AKAP13: variants seen among roughly 807,000 people sequenced by gnomAD.
The protein encoded by AKAP13 is A-kinase anchor protein 13.
AKAP13 carries 80 observed loss-of-function variants against 264.5 expected under a neutral mutation model. The ratio of observed to expected loss-of-function variants is 0.30; its 90% CI spans 0.25 to 0.36. The LOEUF is 0.36. Ranked by LOEUF, AKAP13 falls within the 10% of genes least tolerant of loss-of-function variation. The pLI is 1.00. For missense variants in AKAP13, 3,712 were observed against 3,435.2 expected, an observed-to-expected ratio of 1.08 and a Z score of -2.01; for synonymous variants, 1,380 against 1,250.2, an observed-to-expected ratio of 1.10 and a Z score of -2.19.
chr15:85,590,304 C>A (rs1223520127), intron 8 of AKAP13, among the ~76,000 whole-genome samples: 1 of 152,170 alleles, frequency 6.6e-6, no homozygotes, highest in East Asian at 1.9e-4. Context: ...TTGTAACATT[C>A]TCTAAACGTG....
intron 1 of AKAP13, among the ~76,000 whole-genome samples, chr15:85,465,712 A>G (rs1320909047): frequency 1.3e-5 from 2 of 150,996 alleles, no homozygotes; most frequent in African/African-American, 2.4e-5. Context: ...ATAGTATTCT[A>G]TGGTGTATAT....
chr15:85,638,820 G>C (rs886735343), intron 8 of AKAP13, among the ~76,000 whole-genome samples: 1 of 151,636 alleles, frequency 6.6e-6, no homozygotes, highest in African/African-American at 2.4e-5. Flanking sequence ...GCAGTGGCGC[G>C]ATCTCTGCTC....
chr15:85,722,609 G>T (rs2087358609), intron 25 of AKAP13, among the ~76,000 whole-genome samples: 1 of 152,166 alleles, frequency 6.6e-6, no homozygotes, highest in African/African-American at 2.4e-5. Flanking sequence ...TCACTAGGCT[G>T]GGAGATAATT....
intron 13 of AKAP13, among the ~76,000 whole-genome samples, chr15:85,668,317 A>C (rs2083718882): frequency 6.6e-6 from 1 of 152,180 alleles, no homozygotes; most frequent in Non-Finnish European, 1.5e-5. Flanking sequence ...AAGGAGGCAG[A>C]TTTCATTCTG....
intron 1 of AKAP13, among the ~76,000 whole-genome samples, chr15:85,386,481 G>A (rs2070568119): frequency 6.6e-6 from 1 of 151,674 alleles, no homozygotes; most frequent in African/African-American, 2.4e-5. Flanking sequence ...CTAGTGATGG[G>A]GTTTCACCAT....
At position 85,460,333 on chromosome 15, in the gene AKAP13, C is replaced by A. The variant is rs143802387; in HGVS notation, c.-11-25377C>A. On this transcript the variant is annotated intron_variant, in intron 1 of 36. Coordinates refer to ENST00000394518, the MANE Select transcript of AKAP13 (RefSeq NM_007200.5). ...CTGTTTATTCTCCCTGGAAAGTACA[C>A]AGCCCCCGATACAGCTCGCCCTGCA... 1.5e-3 allele frequency among the ~76,000 whole-genome samples: 221 copies of A among 152,320 alleles called. No individual in the cohort carries two copies. The East Asian group carries it at 0.015, about 10-fold the overall frequency.
intron 12 of AKAP13, among the ~76,000 whole-genome samples, chr15:85,658,939 G>A (rs892347334): frequency 8.5e-5 from 13 of 152,050 alleles, no homozygotes; most frequent in African/African-American, 3.1e-4. Flanking sequence ...TGGACCCTGG[G>A]GAGTACTTTT....
chr15:85,620,075 T>C (rs1333610424), intron 8 of AKAP13: 8 of 1,536,086 alleles, frequency 5.2e-6, no homozygotes, highest in Admixed American at 2.0e-5. Flanking sequence ...CTCTGTTCTT[T>C]CTTGCATTTG....
chr15:85,562,691 C>CTTTTTTTTTTTT (rs10598092), intron 5 of AKAP13, among the ~76,000 whole-genome samples: 5 of 100,520 alleles, frequency 5.0e-5, no homozygotes, highest in Admixed American at 1.2e-4. Context: ...CTTTTCTTTT[C>CTTTTTTTTTTTT]TTTTTTTTTT....
chr15:85,730,387 G>A (rs1405430099), intron 29 of AKAP13, 126 bp from the exon 30 acceptor site: 3 of 883,822 alleles, frequency 3.4e-6, no homozygotes, highest in Non-Finnish European at 5.3e-6. Context: ...AAAAGGCAGT[G>A]TGGGTGGGGA....
chr15:85,417,803 A>G (rs1157989704), intron 1 of AKAP13, among the ~76,000 whole-genome samples: 2 of 152,292 alleles, frequency 1.3e-5, no homozygotes, highest in East Asian at 3.9e-4. Flanking sequence ...GCAGCTGATC[A>G]GGCAGCACAA....
At chr15:85,528,597 T>C (rs1295095958) in intron 3 of AKAP13, among the ~76,000 whole-genome samples, 1 of 152,196 alleles carries the variant, frequency 6.6e-6, no homozygotes, top group Non-Finnish European at 1.5e-5. Context: ...GTTGAATGAC[T>C]TTCTCAGGAT....
In AKAP13 at chr15:85,660,264, A is replaced by C. The variant is rs571570511; in HGVS notation, c.4799+1674A>C. ...GCTACTCAGGAGGCTGAGGCAGGAG[A>C]ATTGCTTGAACCTGGGAGGCAGAGG... On this transcript the variant is annotated intron_variant, in intron 12 of 36. Transcript: ENST00000394518. Among the ~76,000 whole-genome samples, 12 of 147,450 alleles carry C rather than the reference A, an allele frequency of 8.1e-5. No individual in the cohort carries two copies. The East Asian group carries it at 2.5e-3, about 31-fold the overall frequency.
chr15:85,693,299 A>G lies in AKAP13; in HGVS notation c.5312A>G (p.Lys1771Arg). The G allele has an allele frequency of 6.3e-7, 1 of 1,595,352 alleles. No individual in the cohort carries two copies. The highest frequency in any genetic ancestry group is 8.5e-7 in the Non-Finnish European group (1 of 1,175,518). The change falls in exon 17 of 37, where the codon AAG becomes AGG. Residue 1771 changes from lysine to arginine, a missense_variant. Lys to Arg is a conservative substitution (Grantham distance 26). Around this residue, in one of 3 missense-constraint regions of AKAP13, gnomAD observed 2,759 missense variants for 2,411.7 expected, o/e 1.14. Transcript: ENST00000394518. The stretch of plus-strand genomic sequence containing the variant: ...CAGGAAAAGGAAAAAGAAAAAGATA[A>G]GATTAAGGAGAAGGAGAAAGATTCT... ...KSKEKEKEKDKIKEKEKDSKD... is the reference protein window; with the variant it reads ...KSKEKEKEKDRIKEKEKDSKD...
rs536477066 is a variant in AKAP13, at chr15:85,574,343, C to T, written c.663-788C>T. Among the ~76,000 whole-genome samples, 8 of 152,282 alleles carry T rather than the reference C, an allele frequency of 5.3e-5. No individual in the cohort carries two copies. In the East Asian group the frequency reaches 7.7e-4, roughly 15 times the overall value. ...ATGTGTGGTATCACAGCAGGCATTA[C>T]GGGCATGGGTATGCCTTCTGGATGC... On this transcript the variant is annotated intron_variant, in intron 5 of 36. Coordinates refer to ENST00000394518, the MANE Select transcript of AKAP13 (RefSeq NM_007200.5).
At chr15:85,560,458 T>A (rs2151260768) in intron 5 of AKAP13, among the ~76,000 whole-genome samples, 1 of 152,288 alleles carries the variant, frequency 6.6e-6, no homozygotes, top group Non-Finnish European at 1.5e-5. Flanking sequence ...ATTTATTTAT[T>A]TTTAATAATT....
Position 85,581,212 on chromosome 15 carries a change from AGATGGGTCT to A in AKAP13, c.3153_3161del (p.Gly1053_Asp1055del), listed in dbSNP as rs1368360899. 6.2e-7 allele frequency: 1 copy of A among 1,614,194 alleles called. No individual in the cohort carries two copies. Among genetic ancestry groups the A allele is most frequent in the African/African-American group, 1.3e-5 (1 of 75,072 alleles). ...CCGCTCTGTTGCCATGTCTGTTGCC[AGATGGGTCT>A]GATGGGTCCGATGCTCTTAACTGCA... On this transcript the variant is annotated inframe_deletion, in exon 7 of 37. Coordinates refer to ENST00000394518, the MANE Select transcript of AKAP13 (RefSeq NM_007200.5).
chr15:85,561,814 A>G (rs67253156), intron 5 of AKAP13, among the ~76,000 whole-genome samples: 37,364 of 152,014 alleles, frequency 0.25, 4,939 homozygotes, highest in Middle Eastern at 0.42. Context: ...AAAAATGACC[A>G]TAGACGCCAT....
chr15:85,493,171 A>C (rs1372397350), intron 2 of AKAP13, among the ~76,000 whole-genome samples: 4 of 152,256 alleles, frequency 2.6e-5, no homozygotes, highest in Non-Finnish European at 5.9e-5. Flanking sequence ...TTGTGGATAC[A>C]CATGGTTATT....
Sources: gnomAD v4.1 joint callset for allele counts (sites outside exome capture counted in the v4.1 genomes callset) on GRCh38, gnomAD v4.1.1 for gene constraint, gnomAD v4.1.1 regional missense constraint, MANE v1.5 for transcripts, NCBI Gene and HGNC (gene_info 2026-07-23, HGNC 2026-07-21) for gene names.